Variants in DIAPH2 observed in about 807,000 individuals in gnomAD.
DIAPH2 encodes the protein protein diaphanous homolog 2.
Under a neutral mutation model 92.7 loss-of-function variants are expected in DIAPH2, and 35 were observed. The ratio of observed to expected loss-of-function variants is 0.38; its 90% CI spans 0.29 to 0.50. The LOEUF is 0.50. Among genes scored for constraint, DIAPH2 ranks in the 20% least tolerant of loss-of-function variants. DIAPH2 has a pLI of 0.94. For missense variants in DIAPH2, 701 were observed against 819.5 expected (o/e 0.86, Z 1.77); for synonymous variants, 301 against 280.4 (o/e 1.07, Z -0.73).
intron 19 of DIAPH2, among the ~76,000 whole-genome samples, chrX:97,078,651 C>T (rs1186610436): frequency 8.9e-6 from 1 of 111,829 alleles, no homozygotes; most frequent in African/African-American, 3.2e-5. Context: ...TCAAGCACTT[C>T]TATCATTATA....
intron 17 of DIAPH2, among the ~76,000 whole-genome samples, chrX:97,067,622 A>G (rs2066642325): frequency 9.0e-6 from 1 of 111,636 alleles, no homozygotes; most frequent in Admixed American, 9.5e-5. Context: ...TGTTTTTATA[A>G]TTTTGCTACA....
chrX:97,071,359 C>A (rs565771175), intron 17 of DIAPH2, among the ~76,000 whole-genome samples: 3 of 111,078 alleles, frequency 2.7e-5, no homozygotes, highest in African/African-American at 9.8e-5. Flanking sequence ...AGATAAATAT[C>A]AACATAAAAT....
intron 17 of DIAPH2, among the ~76,000 whole-genome samples, chrX:96,999,418 G>A (rs1395408964): frequency 3.8e-5 from 4 of 104,936 alleles, no homozygotes; most frequent in South Asian, 8.8e-4. Flanking sequence ...GGAGAATGGC[G>A]TGATCCCGGG....
intron 4 of DIAPH2, among the ~76,000 whole-genome samples, chrX:96,800,432 G>T (rs774433365): frequency 5.0e-4 from 56 of 111,792 alleles, no homozygotes; most frequent in African/African-American, 1.7e-3. Context: ...TCATCAGAAC[G>T]ATGGGTTACT....
chrX:97,240,666 G>C (rs768511318), intron 22 of DIAPH2, among the ~76,000 whole-genome samples: 9 of 110,400 alleles, frequency 8.2e-5, no homozygotes, highest in Non-Finnish European at 1.3e-4. Context: ...TAGCAGGTTG[G>C]AAATGTCTGC....
At chrX:96,938,346 A>T (rs180878939) in intron 11 of DIAPH2, among the ~76,000 whole-genome samples, 1 of 111,836 alleles carries the variant, frequency 8.9e-6, no homozygotes, top group East Asian at 2.8e-4. Context: ...GTGCCAGTCT[A>T]CTGTGGCTTC....
At chrX:97,402,514 A>C (rs1602564657) in intron 25 of DIAPH2, among the ~76,000 whole-genome samples, 1 of 112,089 alleles carries the variant, frequency 8.9e-6, no homozygotes, top group Non-Finnish European at 1.9e-5. Context: ...TTAGATAACA[A>C]GTAAACATGT....
At chrX:97,425,084 A>T (rs1337770230) in intron 25 of DIAPH2, among the ~76,000 whole-genome samples, 1 of 112,358 alleles carries the variant, frequency 8.9e-6, no homozygotes, top group Non-Finnish European at 1.9e-5. Flanking sequence ...AGTAATTTAC[A>T]TATATTTACT....
intron 26 of DIAPH2, among the ~76,000 whole-genome samples, chrX:97,583,945 G>A (rs939208326): frequency 1.0e-3 from 116 of 111,339 alleles, no homozygotes; most frequent in African/African-American, 3.4e-3. Flanking sequence ...TCCAGGTGCC[G>A]TCCGTCACCC....
chrX:96,927,411 A>G (rs2065590869), intron 9 of DIAPH2, among the ~76,000 whole-genome samples: 1 of 108,831 alleles, frequency 9.2e-6, no homozygotes, highest in Non-Finnish European at 1.9e-5. Flanking sequence ...TTCATTATTC[A>G]GCAATGAGTT....
chrX:97,217,519 T>G (rs1318752977), intron 22 of DIAPH2, among the ~76,000 whole-genome samples: 1 of 111,761 alleles, frequency 8.9e-6, no homozygotes, highest in African/African-American at 3.2e-5. Flanking sequence ...CCCATTACAC[T>G]CTCCCATGTT....
intron 19 of DIAPH2, among the ~76,000 whole-genome samples, chrX:97,083,015 C>G (rs2066758194): frequency 8.9e-6 from 1 of 112,148 alleles, no homozygotes; most frequent in African/African-American, 3.2e-5. Flanking sequence ...ATCTATAAAA[C>G]CACTTTCTCT....
chrX:97,003,935 G>A (rs751912626), intron 17 of DIAPH2, among the ~76,000 whole-genome samples: 41 of 111,692 alleles, frequency 3.7e-4, no homozygotes, highest in Non-Finnish European at 6.6e-4. Flanking sequence ...TTCATAGTTT[G>A]AGGTCTTATA....
At chrX:97,481,631 T>C (rs946729989) in intron 26 of DIAPH2, among the ~76,000 whole-genome samples, 1 of 111,654 alleles carries the variant, frequency 9.0e-6, no homozygotes, top group Non-Finnish European at 1.9e-5. Flanking sequence ...CTGACTCAAG[T>C]TTGGTCAAAG....
chrX:97,396,893 T>G (rs2069709752), intron 25 of DIAPH2, among the ~76,000 whole-genome samples: 1 of 111,879 alleles, frequency 8.9e-6, no homozygotes, highest in Admixed American at 9.5e-5. Context: ...TGGTTGTTGC[T>G]TCATGTAGTC....
chrX:96,771,740 T>G (rs1356170489), intron 4 of DIAPH2, among the ~76,000 whole-genome samples: 1 of 111,382 alleles, frequency 9.0e-6, no homozygotes, highest in Non-Finnish European at 1.9e-5. Context: ...AATCAATGTT[T>G]AGAAGTTACC....
intron 24 of DIAPH2, among the ~76,000 whole-genome samples, chrX:97,379,287 G>A (rs1363973013): frequency 1.8e-5 from 2 of 111,572 alleles, no homozygotes; most frequent in Non-Finnish European, 3.8e-5. Flanking sequence ...CCCAAAAAGG[G>A]AGGAAGGGGG....
chrX:97,016,747 T>C (rs2066263741), intron 17 of DIAPH2, among the ~76,000 whole-genome samples: 2 of 112,269 alleles, frequency 1.8e-5, no homozygotes, highest in Non-Finnish European at 3.8e-5. Context: ...ACGGCTTCTG[T>C]TGTTTCCAAG....
chrX:97,474,626 T>C (rs2070589669), intron 26 of DIAPH2, among the ~76,000 whole-genome samples: 1 of 109,897 alleles, frequency 9.1e-6, no homozygotes, highest in Admixed American at 9.7e-5. Context: ...ATTAGCCGGG[T>C]GTGGTGGCGG....
Sources: allele counts gnomAD v4.1 joint callset (sites outside exome capture counted in the v4.1 genomes callset), GRCh38; gene constraint gnomAD v4.1.1; transcripts MANE v1.5; gene names NCBI Gene and HGNC (gene_info 2026-07-23, HGNC 2026-07-21).